The following H2AZ1 variants were observed in gnomAD, a reference collection of about 807,000 sequenced individuals.
The protein encoded by H2AZ1 is histone H2A.Z.
H2AZ1 carries 3 observed loss-of-function variants against 16.6 expected under a neutral mutation model. The observed-to-expected ratio is 0.18, with a 90% CI of 0.08 to 0.47. H2AZ1 has a LOEUF of 0.47. Among genes scored for constraint, H2AZ1 ranks in the 20% least tolerant of loss-of-function variants. H2AZ1 has a pLI of 0.98. For missense variants in H2AZ1, 27 were observed against 163.6 expected (o/e 0.17, Z 4.55); for synonymous variants, 78 against 60.7 (o/e 1.28, Z -1.32).
Position 99,950,215 on chromosome 4 carries a change from T to C in H2AZ1, c.-45A>G, listed in dbSNP as rs372241950. On this transcript the variant is annotated 5_prime_UTR_variant, in exon 1 of 5. Transcript: ENST00000296417. ...CAAGCAAGCAAGGCAGAGAAAAGGC[T>C]AATCGGACCCACGGTGAGATCCCAC... is the stretch of plus-strand genomic sequence containing the variant. 1 of 1,598,260 alleles carries C rather than the reference T, an allele frequency of 6.3e-7. No homozygotes were observed. The highest frequency in any genetic ancestry group is 1.7e-5 in the Admixed American group (1 of 59,068).
rs1315204198 is a variant in H2AZ1 at position 99,950,039 on chromosome 4, C to T, written c.3+129G>A. ...GCTAGCAGCCGACAAAACACCTCCC[C>T]CCACTCTTCTAAATCCTGTCTCCGC... On this transcript the variant is annotated intron_variant, in intron 1 of 4. Coordinates refer to ENST00000296417, the MANE Select transcript of H2AZ1 (RefSeq NM_002106.4). 5 of 851,766 alleles carry T rather than the reference C, an allele frequency of 5.9e-6. No individual in the cohort carries two copies. In the East Asian group the frequency reaches 1.3e-4, roughly 23 times the overall value. The allele number at this position is 851,766 out of a possible 1,614,324, so 52.8% of individuals were successfully genotyped here. A position where few individuals can be genotyped will look rare whatever the true frequency, so the allele number is the denominator to read the frequency against.
intron 1 of H2AZ1, 85 bp from the exon 2 acceptor site, chr4:99,949,825 C>G: frequency 2.8e-6 from 3 of 1,074,074 alleles, no homozygotes; most frequent in Non-Finnish European, 4.0e-6. Flanking sequence ...CACCGCGGCG[C>G]GTCCCGCCGC....
At chr4:99,949,587 C>A (rs752769937) in intron 2 of H2AZ1, 76 bp downstream of exon 2, 2 of 1,412,254 alleles carry the variant, frequency 1.4e-6, no homozygotes, top group East Asian at 2.3e-5. Context: ...AAACGCCCAT[C>A]GAGAGCGATG....
In H2AZ1 at chr4:99,950,249, C is replaced by A. The variant is rs1335314560; in HGVS notation, c.-79G>T. 9 of 1,366,158 alleles carry A rather than the reference C, an allele frequency of 6.6e-6. No homozygotes were observed. The highest frequency in any genetic ancestry group is 1.4e-5 in the African/African-American group (1 of 70,886). The allele number at this position is 1,366,158 out of a possible 1,614,324, so 84.6% of individuals were successfully genotyped here. A position where few individuals can be genotyped will look rare whatever the true frequency, so the allele number is the denominator to read the frequency against. Reference sequence around the variant, plus strand: ...CCACGGTGAGATCCCACCACCTACTCCTTCGTCGCACCGCGATTCAAACTG... The same window carrying A: ...CCACGGTGAGATCCCACCACCTACTACTTCGTCGCACCGCGATTCAAACTG... On this transcript the variant is annotated 5_prime_UTR_variant, in exon 1 of 5. Coordinates refer to ENST00000296417, the MANE Select transcript of H2AZ1 (RefSeq NM_002106.4).
chr4:99,949,400 C>A lies in H2AZ1; in HGVS notation c.82-14G>T, dbSNP rs1054819589. ...GCCCACTGGGAACTTAAATTTTAAG[C>A]ATACACAAACATAAATGCACAAAAA... On this transcript the variant is annotated splice_polypyrimidine_tract_variant and intron_variant, in intron 2 of 4. Coordinates refer to ENST00000296417, the MANE Select transcript of H2AZ1 (RefSeq NM_002106.4). The A allele has an allele frequency of 4.1e-6, 6 of 1,456,146 alleles. No homozygotes were observed. The Admixed American group carries it at 8.4e-5, about 20-fold the overall frequency. The allele number at this position is 1,456,146 out of a possible 1,614,324, so 90.2% of individuals were successfully genotyped here. A position where few individuals can be genotyped will look rare whatever the true frequency, so the allele number is the denominator to read the frequency against.
intron 1 of H2AZ1, 25 bp from the exon 2 acceptor site, chr4:99,949,765 CGGA>C (rs747930398): frequency 1.3e-6 from 2 of 1,586,290 alleles, no homozygotes; most frequent in African/African-American, 1.4e-5. Flanking sequence ...CGCCCGCGAG[CGGA>C]GGAGGAACGG....
At chr4:99,949,833 C>A in intron 1 of H2AZ1, 93 bp from the exon 2 acceptor site, 1 of 1,010,784 alleles carries the variant, frequency 9.9e-7, no homozygotes, top group Non-Finnish European at 1.4e-6. Context: ...CGCGTCCCGC[C>A]GCGAGCGCGT....
rs547235182 is a variant in H2AZ1, at chr4:99,948,312, G to A, written c.*150C>T. The stretch of plus-strand genomic sequence containing the variant: ...TCGAATGCAGAAATTTGGTTGGTTG[G>A]AAAGCTAATTAAACTTCCAACTTGC... On this transcript the variant is annotated 3_prime_UTR_variant, in exon 5 of 5. Transcript: ENST00000296417. The A allele has an allele frequency of 4.8e-5, 35 of 728,916 alleles. No homozygotes were observed. The highest frequency in any genetic ancestry group is 7.9e-5 in the Non-Finnish European group (31 of 394,380). The allele number at this position is 728,916 out of a possible 1,614,324, so 45.2% of individuals were successfully genotyped here. A position where few individuals can be genotyped will look rare whatever the true frequency, so the allele number is the denominator to read the frequency against.
rs1727184376 is a variant in H2AZ1, at chr4:99,948,391, C to G, written c.*71G>C. On this transcript the variant is annotated 3_prime_UTR_variant, in exon 5 of 5. Coordinates refer to ENST00000296417, the MANE Select transcript of H2AZ1 (RefSeq NM_002106.4). ...GTGTTTTTCACAGAGATACAGTCCA[C>G]TGGAATCACCAACACTGGACAGCTG... The G allele has an allele frequency of 1.1e-6, 1 of 927,330 alleles. No homozygotes were observed. Among genetic ancestry groups the G allele is most frequent in the Non-Finnish European group, 1.8e-6 (1 of 555,126 alleles). The allele number at this position is 927,330 out of a possible 1,614,324, so 57.4% of individuals were successfully genotyped here.
chr4:99,950,157 G>C lies in H2AZ1; in HGVS notation c.3+11C>G, dbSNP rs1727246799. 10 of 1,609,046 alleles carry C rather than the reference G, an allele frequency of 6.2e-6. No individual in the cohort carries two copies. Among genetic ancestry groups the C allele is most frequent in the Non-Finnish European group, 8.5e-6 (10 of 1,177,648 alleles). ...ACCCGCGGAGTCATCGAGCGTCTCT[G>C]CGAAGTTTACCATTTCGAATTCCGC... is the stretch of plus-strand genomic sequence containing the variant. On this transcript the variant is annotated intron_variant, in intron 1 of 4. Coordinates refer to ENST00000296417, the MANE Select transcript of H2AZ1 (RefSeq NM_002106.4).
In H2AZ1 at chr4:99,949,474, G is replaced by A. The variant is rs779778011; in HGVS notation, c.82-88C>T. On this transcript the variant is annotated intron_variant, in intron 2 of 4. Coordinates refer to ENST00000296417, the MANE Select transcript of H2AZ1 (RefSeq NM_002106.4). ...ATATGCGCGCCAAAGCAAGGGGCAC[G>A]GGCGCAGCAACGCGTCCCGACATCG... is the stretch of plus-strand genomic sequence containing the variant. 4.8e-6 allele frequency: 5 copies of A among 1,036,216 alleles called. No individual in the cohort carries two copies. The East Asian group carries it at 7.2e-5, about 15-fold the overall frequency. The allele number at this position is 1,036,216 out of a possible 1,614,324, so 64.2% of individuals were successfully genotyped here.
chr4:99,950,141 G>A lies in H2AZ1; in HGVS notation c.3+27C>T, dbSNP rs1314186436. 2.5e-6 allele frequency: 4 copies of A among 1,607,454 alleles called. No individual in the cohort carries two copies. The Admixed American group carries it at 6.7e-5, about 27-fold the overall frequency. On this transcript the variant is annotated intron_variant, in intron 1 of 4. Transcript: ENST00000296417. ...TCTCTCGCCGGCAAAAACCCGCGGA[G>A]TCATCGAGCGTCTCTGCGAAGTTTA... is the stretch of plus-strand genomic sequence containing the variant.
At chr4:99,948,704 C>T in intron 4 of H2AZ1, 107 bp downstream of exon 4, 1 of 1,473,412 alleles carries the variant, frequency 6.8e-7, no homozygotes. Context: ...ACCATACTTC[C>T]ATCATTGAAA....
chr4:99,948,715 ATATACT>A (rs1727199523), intron 4 of H2AZ1, 90 bp downstream of exon 4: 1 of 1,498,536 alleles, frequency 6.7e-7, no homozygotes, highest in Non-Finnish European at 8.9e-7. Flanking sequence ...ATCATTGAAA[ATATACT>A]TAAATTTCCT....
intron 2 of H2AZ1, 117 bp downstream of exon 2, chr4:99,949,546 G>T: frequency 9.1e-7 from 1 of 1,093,628 alleles, no homozygotes; most frequent in Non-Finnish European, 1.4e-6. Flanking sequence ...GGCAGCCCAA[G>T]TCGCGACACC....
intron 3 of H2AZ1, 44 bp downstream of exon 3, chr4:99,949,229 C>T (rs1369889079): frequency 8.3e-7 from 1 of 1,202,722 alleles, no homozygotes; most frequent in South Asian, 1.3e-5. Context: ...GCCGCCTCCC[C>T]GCCCCCCAAA....
In H2AZ1 at chr4:99,950,237, C is replaced by G. The variant is rs892455351; in HGVS notation, c.-67G>C. On this transcript the variant is annotated 5_prime_UTR_variant, in exon 1 of 5. Transcript: ENST00000296417. ...GGCTAATCGGACCCACGGTGAGATCCCACCACCTACTCCTTCGTCGCACCG... is the reference window on the plus strand; with the variant it reads ...GGCTAATCGGACCCACGGTGAGATCGCACCACCTACTCCTTCGTCGCACCG... 3.4e-6 allele frequency: 5 copies of G among 1,477,256 alleles called. No individual in the cohort carries two copies. In the South Asian group the frequency reaches 5.8e-5, roughly 17 times the overall value. 91.5% of individuals were successfully genotyped at this position (1,477,256 alleles called of 1,614,324 possible).
chr4:99,950,189 T>C lies in H2AZ1; in HGVS notation c.-19A>G. On this transcript the variant is annotated 5_prime_UTR_variant, in exon 1 of 5. Coordinates refer to ENST00000296417, the MANE Select transcript of H2AZ1 (RefSeq NM_002106.4). The stretch of plus-strand genomic sequence containing the variant: ...TTACCATTTCGAATTCCGCTGAAGC[T>C]CAAGCAAGCAAGGCAGAGAAAAGGC... The C allele has an allele frequency of 6.2e-7, 1 of 1,607,762 alleles. No homozygotes were observed. The highest frequency in any genetic ancestry group is 1.1e-5 in the South Asian group (1 of 90,036).
rs1311270824 is a variant in H2AZ1, at chr4:99,948,326, C to G, written c.*136G>C. ...TTGGTTGGTTGGAAAGCTAATTAAA[C>G]TTCCAACTTGCTCAAATAGAATTAC... On this transcript the variant is annotated 3_prime_UTR_variant, in exon 5 of 5. Coordinates refer to ENST00000296417, the MANE Select transcript of H2AZ1 (RefSeq NM_002106.4). 1.4e-6 allele frequency: 1 copy of G among 740,144 alleles called. No homozygotes were observed. Among genetic ancestry groups the G allele is most frequent in the Non-Finnish European group, 2.5e-6 (1 of 400,342 alleles). 45.8% of individuals were successfully genotyped at this position (740,144 alleles called of 1,614,324 possible).
Sources: allele counts gnomAD v4.1 joint callset, GRCh38; gene constraint gnomAD v4.1.1; transcripts MANE v1.5; gene names NCBI Gene and HGNC (gene_info 2026-07-23, HGNC 2026-07-21).